The following KAT14 variants were observed in gnomAD, a reference collection of about 807,000 sequenced individuals.
KAT14 encodes cysteine-rich protein 2-binding protein.
KAT14 carries 66 observed loss-of-function variants against 78.4 expected under a neutral mutation model. That is an observed-to-expected ratio of 0.84 (90% confidence interval 0.69 to 1.03). The LOEUF is 1.03. KAT14 is among the 50% of genes least tolerant of loss of function. The pLI, the probability that KAT14 is intolerant of heterozygous loss-of-function variation, is 0.00. For missense variants in KAT14, 870 were observed against 972.5 expected (o/e 0.89, Z 1.40); for synonymous variants, 344 against 359.4 (o/e 0.96, Z 0.48).
chr20:18,177,510 T>C (rs2039090346), intron 7 of KAT14, among the ~76,000 whole-genome samples: 1 of 152,212 alleles, frequency 6.6e-6, no homozygotes, highest in Non-Finnish European at 1.5e-5. Context: ...TGTTAGTGGC[T>C]GTATTTAGAA....
chr20:18,186,541 A>C (rs1173723341), intron 10 of KAT14, among the ~76,000 whole-genome samples: 1 of 152,244 alleles, frequency 6.6e-6, no homozygotes, highest in Admixed American at 6.5e-5. Flanking sequence ...CAAGGACTCT[A>C]TCAACTTCAG....
chr20:18,159,320 G>A, intron 5 of KAT14, 55 bp downstream of exon 5: 1 of 1,573,836 alleles, frequency 6.4e-7, no homozygotes, highest in Non-Finnish European at 8.6e-7. Context: ...CCAAGCAGGT[G>A]TGAGCCCAGG....
chr20:18,150,972 C>A (rs111430127), intron 4 of KAT14, 30 bp downstream of exon 4: 1,069 of 1,608,220 alleles, frequency 6.6e-4, no homozygotes, highest in Non-Finnish European at 8.9e-4. Flanking sequence ...TCTTATACTT[C>A]AAGGAATATG....
chr20:18,181,684 A>G lies in KAT14; in HGVS notation c.1669-26A>G, dbSNP rs201987617. The stretch of plus-strand genomic sequence containing the variant: ...GTGCCCAGCCTGAGTAATTATTTCT[A>G]TATAACCAGTGTTTCTTTCTCATAG... On this transcript the variant is annotated intron_variant, in intron 7 of 10. Transcript: ENST00000688188. 626 of 1,613,812 alleles carry G rather than the reference A, an allele frequency of 3.9e-4. 7 individuals are homozygous for G. The South Asian group carries it at 4.5e-3, about 12-fold the overall frequency.
chr20:18,169,286 G>A (rs1007695178), intron 7 of KAT14, among the ~76,000 whole-genome samples: 4 of 151,940 alleles, frequency 2.6e-5, no homozygotes, highest in African/African-American at 9.7e-5. Flanking sequence ...TTGCTGTATT[G>A]CACTTCACAG....
intron 10 of KAT14, among the ~76,000 whole-genome samples, chr20:18,186,274 G>A (rs1000229768): frequency 6.6e-6 from 1 of 152,128 alleles, no homozygotes; most frequent in African/African-American, 2.4e-5. Flanking sequence ...CATAGGTGGC[G>A]CACAGTCGCT....
chr20:18,150,943 G>A lies in KAT14; in HGVS notation c.500+1G>A, dbSNP rs1568664851. 2 of 1,613,492 alleles carry A rather than the reference G, an allele frequency of 1.2e-6. No homozygotes were observed. Among genetic ancestry groups the A allele is most frequent in the Middle Eastern group, 1.7e-4 (1 of 6,058 alleles). ...ATTGGACTTTTTTACTAGGGAATAG[G>A]TAATGTGTTTTTAAAAAATCTTATA... On this transcript the variant is annotated splice_donor_variant, in intron 4 of 10. Transcript: ENST00000688188. LOFTEE classifies it high-confidence loss of function.
At chr20:18,175,864 A>G (rs1055755559) in intron 7 of KAT14, among the ~76,000 whole-genome samples, 1 of 151,778 alleles carries the variant, frequency 6.6e-6, no homozygotes, top group Non-Finnish European at 1.5e-5. Flanking sequence ...ACCAAAAAAA[A>G]TACAAAAATT....
At chr20:18,140,685 G>T (rs976458113) in intron 1 of KAT14, among the ~76,000 whole-genome samples, 1 of 151,744 alleles carries the variant, frequency 6.6e-6, no homozygotes, top group Admixed American at 6.6e-5. Flanking sequence ...GGTGGCGCAC[G>T]CCTGTAATCT....
At chr20:18,140,341 G>C (rs1399199696) in intron 1 of KAT14, among the ~76,000 whole-genome samples, 1 of 152,048 alleles carries the variant, frequency 6.6e-6, no homozygotes, top group Non-Finnish European at 1.5e-5. Flanking sequence ...TATCAATCCC[G>C]GGACTCCTTC....
Position 18,159,104 on chromosome 20 carries a change from G to A in KAT14, c.521G>A (p.Trp174Ter). 6.2e-7 allele frequency: 1 copy of A among 1,608,530 alleles called. No individual in the cohort carries two copies. The highest frequency in any genetic ancestry group is 8.5e-7 in the Non-Finnish European group (1 of 1,178,686). The change falls in exon 5 of 11, where the codon TGG becomes TAG. Residue 174 changes from tryptophan to a stop codon, truncating the protein, a stop_gained. Coordinates refer to ENST00000688188, the MANE Select transcript of KAT14 (RefSeq NM_001392073.1). LOFTEE classifies it high-confidence loss of function. ...TTTAGGAAAAAGACGTCTACCTGGT[G>A]GAGCACCGTGGCAGGTTGCCTCAGC... is the stretch of plus-strand genomic sequence containing the variant. Reference protein sequence around the residue: ...LGNRKKTSTWWSTVAGCLSVG... With the variant: ...LGNRKKTSTW
In KAT14 at chr20:18,162,207, C is replaced by T. The variant is rs1424208888; in HGVS notation, c.1067C>T (p.Pro356Leu). The T allele has an allele frequency of 6.2e-7, 1 of 1,613,986 alleles. No homozygotes were observed. The highest frequency in any genetic ancestry group is 8.5e-7 in the Non-Finnish European group (1 of 1,180,044). ...TTGCTTTCAGAAGCAGATCTGATTC[C>T]AGATGTGATGCCCCCACAAGCCTTG... ...PSLLSEADLI[P>L]DVMPPQALFH... The change falls in exon 6 of 11, where the codon CCA becomes CTA. Residue 356 changes from proline to leucine, a missense_variant. Pro to Leu is a moderately conservative substitution (Grantham distance 98). Coordinates refer to ENST00000688188, the MANE Select transcript of KAT14 (RefSeq NM_001392073.1).
chr20:18,145,431 G>T, intron 3 of KAT14, 80 bp downstream of exon 3: 2 of 1,577,718 alleles, frequency 1.3e-6, no homozygotes, highest in South Asian at 1.2e-5. Context: ...GAAACTTAGG[G>T]ATGAGCTTTT....
intron 1 of KAT14, chr20:18,138,287 G>C (rs2037378060): frequency 8.3e-7 from 1 of 1,209,738 alleles, no homozygotes; most frequent in African/African-American, 1.6e-5. Flanking sequence ...CCGGCTGCCC[G>C]GCTTAGCGCC....
intron 1 of KAT14, among the ~76,000 whole-genome samples, chr20:18,141,005 A>T (rs1319739551): frequency 7.4e-6 from 1 of 135,930 alleles, no homozygotes; most frequent in African/African-American, 2.8e-5. Flanking sequence ...ACACAGGCAC[A>T]CACCACCACT....
chr20:18,170,684 G>A (rs972442143), intron 7 of KAT14, among the ~76,000 whole-genome samples: 9 of 152,100 alleles, frequency 5.9e-5, no homozygotes, highest in Non-Finnish European at 1.2e-4. Context: ...ACAGGCGTCC[G>A]CCACCATGCC....
intron 10 of KAT14, among the ~76,000 whole-genome samples, chr20:18,186,673 A>G (rs2039462730): frequency 6.6e-6 from 1 of 152,138 alleles, no homozygotes; most frequent in Admixed American, 6.6e-5. Context: ...AATGATTGTT[A>G]CTCTTTTCCC....
intron 7 of KAT14, among the ~76,000 whole-genome samples, chr20:18,175,436 A>G (rs976204903): frequency 2.0e-5 from 3 of 151,866 alleles, no homozygotes; most frequent in Non-Finnish European, 4.4e-5. Flanking sequence ...CCCCTGACCC[A>G]TCTGTGGGGC....
At position 18,154,762 on chromosome 20, in the gene KAT14, C is replaced by T. The variant is rs2038164998; in HGVS notation, c.500+3820C>T. Among the ~76,000 whole-genome samples the T allele has an allele frequency of 3.9e-5, 6 of 152,232 alleles. No homozygotes were observed. The Middle Eastern group carries it at 0.014, about 345-fold the overall frequency. On this transcript the variant is annotated intron_variant, in intron 4 of 10. Transcript: ENST00000688188. The stretch of plus-strand genomic sequence containing the variant: ...GAGCTAACTACCAATTAAATTATGA[C>T]ATATCAGTAACTATAAGATGTATCT...
Sources: gnomAD v4.1 joint callset for allele counts (sites outside exome capture counted in the v4.1 genomes callset) on GRCh38, gnomAD v4.1.1 for gene constraint, MANE v1.5 for transcripts, NCBI Gene and HGNC (gene_info 2026-07-23, HGNC 2026-07-21) for gene names.